Variants in SFMBT2 observed in about 807,000 individuals in gnomAD.
SFMBT2 encodes Scm like with four mbt domains 2.
A neutral mutation model predicts 110.1 loss-of-function variants in SFMBT2; 38 were observed. The ratio of observed to expected loss-of-function variants is 0.35; its 90% CI spans 0.27 to 0.45. SFMBT2 has a LOEUF of 0.45. Ranked by LOEUF, SFMBT2 falls within the 20% of genes least tolerant of loss-of-function variation. SFMBT2 has a pLI of 1.00. For missense variants in SFMBT2, 1,011 were observed against 1,094.9 expected (o/e 0.92, Z 1.08); for synonymous variants, 425 against 425.4 (o/e 1.00, Z 0.01).
chr10:7,171,122 T>C lies in SFMBT2; in HGVS notation c.2416-66A>G, dbSNP rs1187662189. The C allele has an allele frequency of 5.0e-6, 8 of 1,606,778 alleles. No homozygotes were observed. The highest frequency in any genetic ancestry group is 5.1e-6 in the Non-Finnish European group (6 of 1,176,448). On this transcript the variant is annotated intron_variant, in intron 19 of 20. Coordinates refer to ENST00000397167, the MANE Select transcript of SFMBT2 (RefSeq NM_001387889.1). This position sits in a 1 kb window ranked among gnomAD's most constrained non-coding sequence, Gnocchi z 4.9. ...CAGCTGGCTGGGTCCTCTCCAGCAC[T>C]CTCCAGGCCTCGGCCGTTCCTGGCC...
chr10:7,172,694 C>A lies in SFMBT2; in HGVS notation c.1985-33G>T. Reference sequence around the variant, plus strand: ...AAGGAAGATGAGAAACTTTTGAAGGCTATACACACACACAGACATGAACAG... The same window carrying A: ...AAGGAAGATGAGAAACTTTTGAAGGATATACACACACACAGACATGAACAG... On this transcript the variant is annotated intron_variant, in intron 17 of 20. Coordinates refer to ENST00000397167, the MANE Select transcript of SFMBT2 (RefSeq NM_001387889.1). The surrounding 1 kb of genome is among the most constrained non-coding windows in gnomAD (Gnocchi z 4.6). 6.3e-7 allele frequency: 1 copy of A among 1,592,470 alleles called. No homozygotes were observed. Among genetic ancestry groups the A allele is most frequent in the Non-Finnish European group, 8.6e-7 (1 of 1,166,736 alleles).
chr10:7,209,854 C>T (rs924975577), intron 11 of SFMBT2, among the ~76,000 whole-genome samples: 1 of 152,124 alleles, frequency 6.6e-6, no homozygotes, highest in Non-Finnish European at 1.5e-5. Flanking sequence ...TATTTTGCAA[C>T]CAAGGCCTCC....
intron 4 of SFMBT2, among the ~76,000 whole-genome samples, chr10:7,306,797 G>GA: frequency 6.6e-6 from 1 of 152,056 alleles, no homozygotes. Context: ...GAGGAAAAGA[G>GA]AAAACATTGT....
intron 4 of SFMBT2, among the ~76,000 whole-genome samples, chr10:7,328,916 A>T (rs1201613490): frequency 6.6e-6 from 1 of 152,216 alleles, no homozygotes; most frequent in Non-Finnish European, 1.5e-5. Flanking sequence ...TGCCTTCCCC[A>T]GTGATTTAAA....
intron 4 of SFMBT2, among the ~76,000 whole-genome samples, chr10:7,328,417 T>C (rs950199037): frequency 1.3e-5 from 2 of 152,262 alleles, no homozygotes; most frequent in Non-Finnish European, 2.9e-5. Flanking sequence ...AGTCTGTATT[T>C]GTCCTTTGAC....
chr10:7,327,667 C>A (rs896746438), intron 4 of SFMBT2, among the ~76,000 whole-genome samples: 3 of 146,580 alleles, frequency 2.0e-5, no homozygotes, highest in Non-Finnish European at 4.5e-5. Flanking sequence ...GGAGACAGAG[C>A]GAGACTCTAA....
At chr10:7,345,688 G>A (rs1412209756) in intron 4 of SFMBT2, among the ~76,000 whole-genome samples, 5 of 152,172 alleles carry the variant, frequency 3.3e-5, no homozygotes, top group African/African-American at 9.7e-5. Context: ...TCATTCTATG[G>A]CCAAGTCTAC....
At chr10:7,399,104 C>T (rs1846001935) in intron 1 of SFMBT2, among the ~76,000 whole-genome samples, 1 of 152,204 alleles carries the variant, frequency 6.6e-6, no homozygotes, top group South Asian at 2.1e-4. Flanking sequence ...GATGAAGAGT[C>T]CCAACACTGT....
intron 1 of SFMBT2, among the ~76,000 whole-genome samples, chr10:7,406,761 T>A (rs1846222557): frequency 6.6e-6 from 1 of 152,254 alleles, no homozygotes; most frequent in Admixed American, 6.5e-5. Flanking sequence ...ACCTGCTGTT[T>A]GAGGTTCAGG....
rs185873090 is a variant in SFMBT2, at chr10:7,212,847, T to C, written c.1331-6919A>G. Among the ~76,000 whole-genome samples the C allele has an allele frequency of 6.4e-4, 98 of 152,314 alleles. 1 individual carries two copies. Among genetic ancestry groups the C allele is most frequent in the Admixed American group, 3.3e-3 (51 of 15,310 alleles). On this transcript the variant is annotated intron_variant, in intron 11 of 20. Transcript: ENST00000397167. The stretch of plus-strand genomic sequence containing the variant: ...AACCAAGCTAAATGCCCATCAATGA[T>C]AGACGGGATAAAGAAACTGTGGCAC...
intron 7 of SFMBT2, among the ~76,000 whole-genome samples, chr10:7,256,031 G>A (rs576800330): frequency 2.3e-4 from 35 of 152,320 alleles, no homozygotes; most frequent in African/African-American, 7.9e-4. Context: ...GACAGAAACA[G>A]CTAACATGTT....
chr10:7,198,117 CTACA>C (rs1276352667), intron 14 of SFMBT2: 4 of 985,232 alleles, frequency 4.1e-6, no homozygotes, highest in Non-Finnish European at 4.8e-6. Context: ...ATGCATGTGC[CTACA>C]AACAATATAT....
At position 7,180,322 on chromosome 10, in the gene SFMBT2, A is replaced by G. The variant is rs528032397; in HGVS notation, c.1809-4157T>C. ...TTTTTTTTTTTTTTGTATTTTTAGT[A>G]GAGATGGGGTTTTGCTATGTTGGCC... On this transcript the variant is annotated intron_variant, in intron 16 of 20. Coordinates refer to ENST00000397167, the MANE Select transcript of SFMBT2 (RefSeq NM_001387889.1). 2.5e-3 allele frequency among the ~76,000 whole-genome samples: 352 copies of G among 142,482 alleles called. 2 individuals are homozygous for G. The highest frequency in any genetic ancestry group is 8.8e-3 in the African/African-American group (338 of 38,576). The allele number at this position is 142,482 out of a possible 152,430, so 93.5% of individuals were successfully genotyped here.
chr10:7,253,580 C>T (rs912293782), intron 7 of SFMBT2, among the ~76,000 whole-genome samples: 1 of 152,136 alleles, frequency 6.6e-6, no homozygotes, highest in Non-Finnish European at 1.5e-5. Context: ...ATCTGTTTTT[C>T]CTTCCAAACT....
chr10:7,245,585 A>T (rs1278259466), intron 8 of SFMBT2, among the ~76,000 whole-genome samples: 1 of 152,266 alleles, frequency 6.6e-6, no homozygotes, highest in East Asian at 1.9e-4. Flanking sequence ...TAATGCCCAG[A>T]GCAGTTAACT....
At chr10:7,377,614 G>A (rs756325945) in intron 2 of SFMBT2, among the ~76,000 whole-genome samples, 17 of 152,286 alleles carry the variant, frequency 1.1e-4, no homozygotes, top group Non-Finnish European at 2.1e-4. Flanking sequence ...ATTCTCATAA[G>A]GACCGTGCAA....
intron 20 of SFMBT2, among the ~76,000 whole-genome samples, chr10:7,164,669 G>A (rs1012957518): frequency 6.6e-6 from 1 of 151,742 alleles, no homozygotes; most frequent in African/African-American, 2.4e-5. Context: ...GCCAAGGTCT[G>A]GCATTTCACC....
At chr10:7,239,505 C>T (rs4997203) in intron 9 of SFMBT2, among the ~76,000 whole-genome samples, 80,822 of 151,936 alleles carry the variant, frequency 0.53, 22,415 homozygotes, top group East Asian at 0.85. Context: ...AAAAGGAAAC[C>T]GTAAAACACC....
chr10:7,401,360 C>T (rs1335661838), intron 1 of SFMBT2, among the ~76,000 whole-genome samples: 1 of 152,176 alleles, frequency 6.6e-6, no homozygotes, highest in Non-Finnish European at 1.5e-5. Context: ...TGAGCAAATA[C>T]ATCCAGGTCA....
Sources: gnomAD v4.1 joint callset for allele counts (sites outside exome capture counted in the v4.1 genomes callset) on GRCh38, gnomAD v4.1.1 for gene constraint, Gnocchi (gnomAD v3.1) non-coding constraint, MANE v1.5 for transcripts, NCBI Gene and HGNC (gene_info 2026-07-23, HGNC 2026-07-21) for gene names.